Variants in ACAN observed in about 807,000 individuals in gnomAD.
ACAN encodes the protein aggrecan.
In ACAN, 47 loss-of-function variants were observed where a neutral mutation model predicts 169.1. The observed-to-expected ratio is 0.28, with a 90% confidence interval of 0.22 to 0.35. ACAN has a LOEUF of 0.35. ACAN is among the 10% of genes least tolerant of loss of function. The pLI, the probability that ACAN is intolerant of heterozygous loss-of-function variation, is 1.00. For synonymous variants in ACAN, 1,115 were observed against 1,112.2 expected (o/e 1.00, Z -0.05); for missense variants, 2,716 against 2,759.9 (o/e 0.98, Z 0.36).
At position 88,859,071 on chromosome 15, in the gene ACAN, C is replaced by T. The variant is rs377405150; in HGVS notation, c.6486C>T (p.Ser2162=). 4.3e-5 allele frequency: 69 copies of T among 1,613,768 alleles called. No individual in the cohort carries two copies. Among genetic ancestry groups the T allele is most frequent in the Admixed American group, 5.0e-5 (3 of 60,006 alleles). Residue 2162 remains serine, a synonymous_variant, in exon 12 of 19, where the codon TCC becomes TCT. Coordinates refer to ENST00000560601, the MANE Select transcript of ACAN (RefSeq NM_001369268.1). Reference sequence around the variant, plus strand: ...TGACATTTCAAGAAGGCGAGGCGTCCGCTGCCCCAGAAGTGAGTGGAGAAT... The same window carrying T: ...TGACATTTCAAGAAGGCGAGGCGTCTGCTGCCCCAGAAGTGAGTGGAGAAT... The part of the protein sequence containing the change: ...STLTFQEGEA[S]AAPEVSGEST...
chr15:88,843,680 C>T lies in ACAN; in HGVS notation c.1051+32C>T. 6.5e-7 allele frequency: 1 copy of T among 1,537,432 alleles called. No individual in the cohort carries two copies. Among genetic ancestry groups the T allele is most frequent in the Non-Finnish European group, 8.8e-7 (1 of 1,135,896 alleles). On this transcript the variant is annotated intron_variant, in intron 6 of 18. Coordinates refer to ENST00000560601, the MANE Select transcript of ACAN (RefSeq NM_001369268.1). This position sits in a 1 kb window ranked among gnomAD's most constrained non-coding sequence, Gnocchi z 4.0. ...CACGGCTGGTGGTGGGAAGGGAGTT[C>T]ATGCCACTAAAATGGGGTCCTAGAG... is the stretch of plus-strand genomic sequence containing the variant.
intron 1 of ACAN, among the ~76,000 whole-genome samples, chr15:88,820,490 T>A (rs1896048944): frequency 6.6e-6 from 1 of 152,204 alleles, no homozygotes. Context: ...CTCTTCAGAA[T>A]CTGGCCCCAC....
chr15:88,845,572 G>A lies in ACAN; in HGVS notation c.1119G>A (p.Gln373=). ...GVGGEEDITV[Q]TVTWPDMELP... is the part of the protein sequence containing the mutation. ...GGGGTGAGGAGGACATCACCGTCCAGACAGTGACCTGGCCTGACATGGAGC... is the reference window on the plus strand; with the variant it reads ...GGGGTGAGGAGGACATCACCGTCCAAACAGTGACCTGGCCTGACATGGAGC... Residue 373 remains glutamine, a synonymous_variant, in exon 7 of 19, where the codon CAG becomes CAA. Coordinates refer to ENST00000560601, the MANE Select transcript of ACAN (RefSeq NM_001369268.1). The A allele has an allele frequency of 6.2e-7, 1 of 1,613,996 alleles. No individual in the cohort carries two copies. The highest frequency in any genetic ancestry group is 8.5e-7 in the Non-Finnish European group (1 of 1,179,894).
rs1307432560 is a variant in ACAN at position 88,854,968 on chromosome 15, C to G, written c.2383C>G (p.Pro795Ala). The G allele has an allele frequency of 6.3e-7, 1 of 1,598,766 alleles. No individual in the cohort carries two copies. Among genetic ancestry groups the G allele is most frequent in the Non-Finnish European group, 8.5e-7 (1 of 1,173,434 alleles). Reference protein sequence around the residue: ...EEPSPSEVPFPSEEPSPSEEP... With the variant: ...EEPSPSEVPFASEEPSPSEEP... ...ACCATCCCCCTCAGAGGTGCCATTCCCCTCAGAGGAGCCATCCCCCTCAGA... is the reference window on the plus strand; with the variant it reads ...ACCATCCCCCTCAGAGGTGCCATTCGCCTCAGAGGAGCCATCCCCCTCAGA... The change falls in exon 12 of 19, where the codon CCC (proline) becomes GCC (alanine). Residue 795 changes from proline to alanine, a missense_variant. Pro to Ala is a conservative substitution (Grantham distance 27). Coordinates refer to ENST00000560601, the MANE Select transcript of ACAN (RefSeq NM_001369268.1).
intron 1 of ACAN, among the ~76,000 whole-genome samples, chr15:88,818,333 C>A (rs1895992651): frequency 6.6e-6 from 1 of 152,202 alleles, no homozygotes; most frequent in Non-Finnish European, 1.5e-5. Context: ...ACAGTTGCTC[C>A]CACCAAGTCT....
intron 12 of ACAN, among the ~76,000 whole-genome samples, 161 bp from the exon 13 acceptor site, chr15:88,860,165 T>G (rs1173764935): frequency 1.4e-5 from 2 of 146,830 alleles, no homozygotes; most frequent in East Asian, 4.0e-4. Flanking sequence ...CCCGATGCTG[T>G]GGGCCAGGTG....
At chr15:88,805,323 C>A (rs955076857) in intron 1 of ACAN, among the ~76,000 whole-genome samples, 7 of 152,088 alleles carry the variant, frequency 4.6e-5, no homozygotes, top group African/African-American at 1.7e-4. Context: ...AACCCTGAAG[C>A]TCGTTGGGGG....
chr15:88,815,098 T>G (rs8031532), intron 1 of ACAN, among the ~76,000 whole-genome samples: 25,809 of 151,752 alleles, frequency 0.17, 2,393 homozygotes, highest in East Asian at 0.32. Flanking sequence ...TCACTTCTTG[T>G]TTTTTCCTTA....
intron 13 of ACAN, among the ~76,000 whole-genome samples, chr15:88,865,658 C>A (rs1897267901): frequency 6.6e-6 from 1 of 152,118 alleles, no homozygotes; most frequent in Non-Finnish European, 1.5e-5. Flanking sequence ...AAGCCCTTCC[C>A]TCCCTCCACT....
chr15:88,833,587 C>T (rs143922395), intron 1 of ACAN, among the ~76,000 whole-genome samples: 1 of 152,056 alleles, frequency 6.6e-6, no homozygotes, highest in Non-Finnish European at 1.5e-5. Context: ...AATGGAATTT[C>T]TCCCTATTTT....
At position 88,814,077 on chromosome 15, in the gene ACAN, T is replaced by C. The variant is rs971760186; in HGVS notation, c.-8+10268T>C. Among the ~76,000 whole-genome samples, 18 of 152,188 alleles carry C rather than the reference T, an allele frequency of 1.2e-4. No homozygotes were observed. The highest frequency in any genetic ancestry group is 4.3e-4 in the African/African-American group (18 of 41,440). On this transcript the variant is annotated intron_variant, in intron 1 of 18. Coordinates refer to ENST00000560601, the MANE Select transcript of ACAN (RefSeq NM_001369268.1). The surrounding 1 kb of genome is among the most constrained non-coding windows in gnomAD (Gnocchi z 4.0). ...CATTGTCTTCCAGGAGTGGATGGGA[T>C]AGAAGGGCTCCAGGCTCACCAAAGT... is the stretch of plus-strand genomic sequence containing the variant.
At position 88,875,126 on chromosome 15, in the gene ACAN, T is replaced by G. The variant is rs1024278873; in HGVS notation, c.*645T>G. ...CTGGGAGTTGGGTTCCCTCCAAGGG[T>G]CCCTCTTTCAGTGTCCTCTCTCTCA... On this transcript the variant is annotated 3_prime_UTR_variant, in exon 19 of 19. Coordinates refer to ENST00000560601, the MANE Select transcript of ACAN (RefSeq NM_001369268.1). The surrounding 1 kb of genome is among the most constrained non-coding windows in gnomAD (Gnocchi z 4.8). 6.4e-6 allele frequency: 1 copy of G among 155,862 alleles called. No homozygotes were observed. The highest frequency in any genetic ancestry group is 1.9e-4 in the South Asian group (1 of 5,150). The allele number at this position is 155,862 out of a possible 1,614,324, so 9.7% of individuals were successfully genotyped here. A position where few individuals can be genotyped will look rare whatever the true frequency, so the allele number is the denominator to read the frequency against.
chr15:88,831,507 C>T (rs1896363047), intron 1 of ACAN, among the ~76,000 whole-genome samples: 1 of 152,242 alleles, frequency 6.6e-6, no homozygotes, highest in South Asian at 2.1e-4. Flanking sequence ...GACGTACGGG[C>T]TGCCATTTGT....
At position 88,815,800 on chromosome 15, in the gene ACAN, G is replaced by C. The variant is rs1238244244; in HGVS notation, c.-8+11991G>C. Reference sequence around the variant, plus strand: ...TTATAAAGAAGTTTTTAGATTAGTAGTAGTGTTATAATAAAAAGTTACCTT... The same window carrying C: ...TTATAAAGAAGTTTTTAGATTAGTACTAGTGTTATAATAAAAAGTTACCTT... On this transcript the variant is annotated intron_variant, in intron 1 of 18. Coordinates refer to ENST00000560601, the MANE Select transcript of ACAN (RefSeq NM_001369268.1). Among the ~76,000 whole-genome samples the C allele has an allele frequency of 2.0e-5, 3 of 152,158 alleles. No individual in the cohort carries two copies. The East Asian group carries it at 5.8e-4, about 29-fold the overall frequency.
intron 11 of ACAN, among the ~76,000 whole-genome samples, chr15:88,853,666 T>C (rs113033649): frequency 0.027 from 4,129 of 152,222 alleles, 194 homozygotes; most frequent in African/African-American, 0.095. Context: ...TGTAAATTTA[T>C]TGAAGAGGGA....
chr15:88,831,540 CCT>C (rs1767046620), intron 1 of ACAN, among the ~76,000 whole-genome samples: 1 of 152,218 alleles, frequency 6.6e-6, no homozygotes, highest in Admixed American at 6.5e-5. Context: ...TCAGCAATTT[CCT>C]CTCTTTGTGC....
intron 11 of ACAN, 27 bp downstream of exon 11, chr15:88,852,060 C>T (rs1413359162): frequency 7.0e-6 from 11 of 1,568,968 alleles, no homozygotes; most frequent in African/African-American, 4.1e-5. Flanking sequence ...TTCTGGGGCA[C>T]ACCCTGAAGC....
Position 88,852,182 on chromosome 15 carries a change from C to A in ACAN, c.2266+149C>A, listed in dbSNP as rs2280469. On this transcript the variant is annotated intron_variant, in intron 11 of 18. Transcript: ENST00000560601. ...TGGCTGGGTGTTCTGCTATGGGCAACTTCAGCCACCTCAGCTGGCCTCTAG... is the reference window on the plus strand; with the variant it reads ...TGGCTGGGTGTTCTGCTATGGGCAAATTCAGCCACCTCAGCTGGCCTCTAG... 7.8e-5 allele frequency: 93 copies of A among 1,195,204 alleles called. No homozygotes were observed. In the East Asian group the frequency reaches 2.3e-3, roughly 30 times the overall value. The allele number at this position is 1,195,204 out of a possible 1,614,324, so 74.0% of individuals were successfully genotyped here.
At position 88,838,358 on chromosome 15, in the gene ACAN, G is replaced by A. The variant is rs1896558229; in HGVS notation, c.71-305G>A. ...TGCCCACTGCAGTACCCCAGTTTGAGAAACAGGGAGTTGGTCCTGACTCTG... is the reference window on the plus strand; with the variant it reads ...TGCCCACTGCAGTACCCCAGTTTGAAAAACAGGGAGTTGGTCCTGACTCTG... On this transcript the variant is annotated intron_variant, in intron 2 of 18. Transcript: ENST00000560601. The surrounding 1 kb of genome is among the most constrained non-coding windows in gnomAD (Gnocchi z 5.1). 1.3e-5 allele frequency among the ~76,000 whole-genome samples: 2 copies of A among 152,096 alleles called. No homozygotes were observed. The highest frequency in any genetic ancestry group is 1.3e-4 in the Admixed American group (2 of 15,274).
Sources: gnomAD v4.1 joint callset for allele counts (sites outside exome capture counted in the v4.1 genomes callset) on GRCh38, gnomAD v4.1.1 for gene constraint, Gnocchi (gnomAD v3.1) non-coding constraint, MANE v1.5 for transcripts, NCBI Gene and HGNC (gene_info 2026-07-23, HGNC 2026-07-21) for gene names.